ERI3: variants seen among roughly 807,000 people sequenced by gnomAD.
ERI3 encodes the protein ERI1 exoribonuclease family member 3, also known as ERI1 exoribonuclease 3.
In ERI3, 18 loss-of-function variants were observed where a neutral mutation model predicts 44.4. The observed-to-expected ratio is 0.41, with a 90% CI of 0.28 to 0.60. ERI3 has a LOEUF of 0.60. Among genes scored for constraint, ERI3 ranks in the 20% least tolerant of loss-of-function variants. The pLI, the probability that ERI3 is intolerant of heterozygous loss-of-function variation, is 0.36. For synonymous variants in ERI3, 183 were observed against 164.8 expected (o/e 1.11, Z -0.84); for missense variants, 294 against 435.5 (o/e 0.68, Z 2.89).
intron 1 of ERI3, chr1:44,353,786 G>C: frequency 1.0e-6 from 1 of 985,356 alleles, no homozygotes; most frequent in Non-Finnish European, 1.2e-6. Context: ...CTTTTAATTT[G>C]GAGTGCTTAA....
At chr1:44,297,192 CA>C (rs1224005411) in intron 6 of ERI3, among the ~76,000 whole-genome samples, 1 of 152,204 alleles carries the variant, frequency 6.6e-6, no homozygotes, top group East Asian at 1.9e-4. Flanking sequence ...AACAGTTTTA[CA>C]GAACTATCAA....
chr1:44,230,245 A>G (rs1332044518), intron 8 of ERI3: 1 of 152,190 alleles, frequency 6.6e-6, no homozygotes, highest in Non-Finnish European at 1.5e-5. Flanking sequence ...TGGCCATTAC[A>G]GAGGATGCCC....
intron 6 of ERI3, among the ~76,000 whole-genome samples, chr1:44,306,929 T>G (rs924518314): frequency 6.6e-6 from 1 of 152,194 alleles, no homozygotes; most frequent in Non-Finnish European, 1.5e-5. Flanking sequence ...AAATCCACAT[T>G]AAGTCCCTTC....
intron 4 of ERI3, among the ~76,000 whole-genome samples, chr1:44,315,127 C>T (rs538072164): frequency 2.0e-5 from 3 of 152,324 alleles, no homozygotes; most frequent in Non-Finnish European, 2.9e-5. Flanking sequence ...CTGGAAAAGG[C>T]GGACCACAGC....
chr1:44,256,784 G>C (rs1644790113), intron 7 of ERI3: 1 of 152,218 alleles, frequency 6.6e-6, no homozygotes, highest in Non-Finnish European at 1.5e-5. Context: ...ATGGTCCCGA[G>C]TATTTTCAGG....
intron 7 of ERI3, among the ~76,000 whole-genome samples, chr1:44,272,624 T>G (rs1645108771): frequency 6.6e-6 from 1 of 151,882 alleles, no homozygotes; most frequent in Non-Finnish European, 1.5e-5. Context: ...GGTGGATCAC[T>G]CGAGGCCAGG....
At chr1:44,262,697 C>A (rs1287105884) in intron 7 of ERI3, among the ~76,000 whole-genome samples, 3 of 152,220 alleles carry the variant, frequency 2.0e-5, no homozygotes, top group African/African-American at 7.2e-5. Context: ...CTAGAAGTGT[C>A]AAGGCTTCTC....
chr1:44,265,864 G>A (rs1644981261), intron 7 of ERI3, among the ~76,000 whole-genome samples: 1 of 152,204 alleles, frequency 6.6e-6, no homozygotes, highest in Non-Finnish European at 1.5e-5. Context: ...AGTTGCTTCA[G>A]GCTGGGGCAT....
At chr1:44,346,098 G>A (rs1338023815) in intron 2 of ERI3, among the ~76,000 whole-genome samples, 2 of 152,202 alleles carry the variant, frequency 1.3e-5, no homozygotes, top group African/African-American at 4.8e-5. Flanking sequence ...AAGGAAGCAG[G>A]AACTCTAAAA....
chr1:44,272,918 T>C (rs1042273264), intron 7 of ERI3, among the ~76,000 whole-genome samples: 2 of 152,116 alleles, frequency 1.3e-5, no homozygotes, highest in African/African-American at 2.4e-5. Context: ...AAATTTACTA[T>C]AGTTTTTTTT....
chr1:44,280,271 T>C (rs1320734007), intron 7 of ERI3, among the ~76,000 whole-genome samples: 4 of 152,272 alleles, frequency 2.6e-5, no homozygotes, highest in African/African-American at 9.6e-5. Flanking sequence ...AACTGAATTT[T>C]TATTGCATGA....
chr1:44,246,177 C>T (rs1015496619), intron 8 of ERI3, among the ~76,000 whole-genome samples: 4 of 152,286 alleles, frequency 2.6e-5, no homozygotes, highest in Admixed American at 2.0e-4. Context: ...TGCTTCCTAA[C>T]CCAAATTTGC....
chr1:44,254,708 T>C (rs1320060357), intron 7 of ERI3, among the ~76,000 whole-genome samples: 1 of 152,100 alleles, frequency 6.6e-6, no homozygotes, highest in Non-Finnish European at 1.5e-5. Context: ...AGAAAGATAA[T>C]AAAGCCACTA....
intron 4 of ERI3, 63 bp downstream of exon 4, chr1:44,319,565 A>G: frequency 8.8e-7 from 1 of 1,131,378 alleles, no homozygotes; most frequent in Non-Finnish European, 1.3e-6. Context: ...GCCTATATAG[A>G]GCACCAAGGA....
chr1:44,296,318 T>C (rs1645610709), intron 6 of ERI3, among the ~76,000 whole-genome samples: 1 of 152,158 alleles, frequency 6.6e-6, no homozygotes, highest in Non-Finnish European at 1.5e-5. Context: ...CATCCCTGGA[T>C]AAATATTGTA....
intron 7 of ERI3, among the ~76,000 whole-genome samples, chr1:44,255,835 G>C (rs1171096676): frequency 6.6e-6 from 1 of 152,162 alleles, no homozygotes; most frequent in Non-Finnish European, 1.5e-5. Flanking sequence ...TGGGATTGCT[G>C]TTTCATGCCT....
At chr1:44,263,185 C>T (rs1332598525) in intron 7 of ERI3, among the ~76,000 whole-genome samples, 1 of 152,192 alleles carries the variant, frequency 6.6e-6, no homozygotes. Context: ...TTTCACTAGC[C>T]CTCCAGGATC....
chr1:44,239,965 T>C (rs1644398050), intron 8 of ERI3, among the ~76,000 whole-genome samples: 1 of 152,198 alleles, frequency 6.6e-6, no homozygotes, highest in Admixed American at 6.5e-5. Context: ...GTTCTCCTCA[T>C]TAGGACAAGC....
intron 7 of ERI3, among the ~76,000 whole-genome samples, chr1:44,253,602 CTA>C (rs1052930016): frequency 6.6e-6 from 1 of 152,220 alleles, no homozygotes; most frequent in Non-Finnish European, 1.5e-5. Context: ...ACCATCAAGA[CTA>C]AGTCTCTGTC....
Sources: gnomAD v4.1 joint callset for allele counts (sites outside exome capture counted in the v4.1 genomes callset) on GRCh38, gnomAD v4.1.1 for gene constraint, MANE v1.5 for transcripts, NCBI Gene and HGNC (gene_info 2026-07-23, HGNC 2026-07-21) for gene names.